NT5DC1: variants seen among roughly 807,000 people sequenced by gnomAD.
NT5DC1 encodes 5'-nucleotidase domain-containing protein 1.
A neutral mutation model predicts 59.4 loss-of-function variants in NT5DC1; 42 were observed. The ratio of observed to expected loss-of-function variants is 0.71; its 90% CI spans 0.55 to 0.92. The LOEUF (loss-of-function observed/expected upper bound fraction) is 0.92, where lower values mean the gene tolerates loss of function less well. Ranked by LOEUF, NT5DC1 falls within the 40% of genes least tolerant of loss-of-function variation. The pLI is 0.00. For synonymous variants in NT5DC1, 172 were observed against 188.1 expected, an observed-to-expected ratio of 0.91 and a Z score of 0.70; for missense variants, 501 against 537.1, an observed-to-expected ratio of 0.93 and a Z score of 0.66.
chr6:116,147,068 TA>T (rs1036190924), intron 6 of NT5DC1, among the ~76,000 whole-genome samples: 4 of 150,818 alleles, frequency 2.7e-5, no homozygotes, highest in Admixed American at 6.6e-5. Context: ...CCCAGAACTA[TA>T]AAAGAAAAGA....
At position 116,249,343 on chromosome 6, in the gene NT5DC1, A is replaced by T. The variant is rs1771906294; in HGVS notation, c.*5319A>T. ...TTGTCAAATTTTTGCTTAGATGGCT[A>T]CAAATACTTAGCAATTCATTTTCAT... On this transcript the variant is annotated 3_prime_UTR_variant, in exon 12 of 12. Transcript: ENST00000319550. 6.6e-6 allele frequency: 1 copy of T among 152,254 alleles called. No homozygotes were observed. Among genetic ancestry groups the T allele is most frequent in the Non-Finnish European group, 1.5e-5 (1 of 68,046 alleles). The allele number at this position is 152,254 out of a possible 1,614,324, so 9.4% of individuals were successfully genotyped here.
Position 116,236,957 on chromosome 6 carries a change from T to A in NT5DC1, c.803-9T>A. On this transcript the variant is annotated splice_polypyrimidine_tract_variant and intron_variant, in intron 8 of 11. Transcript: ENST00000319550. The stretch of plus-strand genomic sequence containing the variant: ...TAAAAAGTATATGATTGTCAAACTG[T>A]ATTTTCAGAGAATGATGAGGAGCAG... 2 of 1,544,390 alleles carry A rather than the reference T, an allele frequency of 1.3e-6. No individual in the cohort carries two copies. The highest frequency in any genetic ancestry group is 1.8e-6 in the Non-Finnish European group (2 of 1,117,022).
At chr6:116,180,324 C>T (rs936034698) in intron 6 of NT5DC1, among the ~76,000 whole-genome samples, 4 of 151,860 alleles carry the variant, frequency 2.6e-5, no homozygotes, top group East Asian at 1.9e-4. Context: ...CAAATTCTAA[C>T]GCAAGGTAAC....
intron 2 of NT5DC1, among the ~76,000 whole-genome samples, chr6:116,107,052 G>A (rs1344754721): frequency 1.3e-5 from 2 of 151,562 alleles, no homozygotes. Context: ...AATTAGCCAG[G>A]TGAGGTGGCA....
At chr6:116,162,965 A>AATAT (rs1224984541) in intron 6 of NT5DC1, among the ~76,000 whole-genome samples, 2 of 151,634 alleles carry the variant, frequency 1.3e-5, no homozygotes, top group East Asian at 1.9e-4. Flanking sequence ...GTCTCTACTA[A>AATAT]ATATACAAAA....
At chr6:116,160,874 A>G (rs1396145567) in intron 6 of NT5DC1, among the ~76,000 whole-genome samples, 2 of 152,290 alleles carry the variant, frequency 1.3e-5, no homozygotes, top group South Asian at 2.1e-4. Context: ...TCATGCTGCT[A>G]TAAAGACACA....
rs148509481 is a variant in NT5DC1, at chr6:116,182,222, A to AGAGAGAGAGTGTGTGTGTGTGT, written c.530-38831_530-38830insAGAGAGAGTGTGTGTGTGTGTG. On this transcript the variant is annotated intron_variant, in intron 6 of 11. Coordinates refer to ENST00000319550, the MANE Select transcript of NT5DC1 (RefSeq NM_152729.3). ...TATGGCTGAGTAGTATTCCATGGAG[A>AGAGAGAGAGTGTGTGTGTGTGT]GTGTGTGTGTGTGTGTGTGTGTGTG... Among the ~76,000 whole-genome samples, 84 of 124,682 alleles carry AGAGAGAGAGTGTGTGTGTGTGT rather than the reference A, an allele frequency of 6.7e-4. 1 individual carries two copies. The South Asian group carries it at 8.0e-3, about 12-fold the overall frequency. The allele number at this position is 124,682 out of a possible 152,430, so 81.8% of individuals were successfully genotyped here. A position where few individuals can be genotyped will look rare whatever the true frequency, so the allele number is the denominator to read the frequency against.
intron 6 of NT5DC1, among the ~76,000 whole-genome samples, chr6:116,160,127 A>G (rs899148878): frequency 2.0e-5 from 3 of 152,200 alleles, no homozygotes; most frequent in Non-Finnish European, 2.9e-5. Flanking sequence ...TTATGTATAT[A>G]CATAGTGGTG....
chr6:116,116,397 A>C (rs565678528), intron 5 of NT5DC1, among the ~76,000 whole-genome samples: 1 of 152,202 alleles, frequency 6.6e-6, no homozygotes, highest in East Asian at 1.9e-4. Context: ...TAATCCCAGC[A>C]CCTTAGGAGG....
intron 6 of NT5DC1, among the ~76,000 whole-genome samples, chr6:116,156,763 A>G (rs1780205004): frequency 1.3e-5 from 2 of 152,216 alleles, no homozygotes; most frequent in African/African-American, 4.8e-5. Context: ...CTTAAGAGTA[A>G]TATCCAAGAT....
chr6:116,168,954 G>A lies in NT5DC1; in HGVS notation c.529+51009G>A, dbSNP rs118167210. Among the ~76,000 whole-genome samples, 1,377 of 152,270 alleles carry A rather than the reference G, an allele frequency of 9.0e-3. 15 individuals are homozygous for A. Among genetic ancestry groups the A allele is most frequent in the Non-Finnish European group, 0.015 (1,041 of 68,012 alleles). On this transcript the variant is annotated intron_variant, in intron 6 of 11. Coordinates refer to ENST00000319550, the MANE Select transcript of NT5DC1 (RefSeq NM_152729.3). The stretch of plus-strand genomic sequence containing the variant: ...GGTTCGTACTTCTTTCTGTAGTATA[G>A]CCTTTTGGGTCAACCTGGAGAGCTC...
intron 8 of NT5DC1, among the ~76,000 whole-genome samples, chr6:116,235,106 A>AT (rs1490597934): frequency 1.4e-5 from 2 of 143,664 alleles, no homozygotes; most frequent in African/African-American, 5.2e-5. Flanking sequence ...AATACTATGG[A>AT]TTTTTTTAAA....
intron 6 of NT5DC1, among the ~76,000 whole-genome samples, chr6:116,174,865 A>G (rs1780698078): frequency 6.6e-6 from 1 of 152,188 alleles, no homozygotes; most frequent in African/African-American, 2.4e-5. Flanking sequence ...TACAAACACT[A>G]CATAAGCCAT....
intron 6 of NT5DC1, among the ~76,000 whole-genome samples, chr6:116,168,623 T>A (rs1050357542): frequency 3.3e-5 from 5 of 152,280 alleles, no homozygotes; most frequent in African/African-American, 1.2e-4. Flanking sequence ...TTCCCCCTTT[T>A]TTTGATTGTT....
intron 6 of NT5DC1, chr6:116,120,353 A>G (rs748900396): frequency 5.0e-6 from 8 of 1,614,268 alleles, no homozygotes; most frequent in Non-Finnish European, 6.8e-6. Context: ...ACAAGTAAAG[A>G]TTCCAGTCCT....
At chr6:116,200,002 G>GC (rs773820394) in intron 6 of NT5DC1, among the ~76,000 whole-genome samples, 1 of 101,204 alleles carries the variant, frequency 9.9e-6, no homozygotes, top group African/African-American at 3.3e-5. Context: ...TGGAAAGTGG[G>GC]GGGGGAAGAG....
chr6:116,233,539 C>T (rs142704816), intron 8 of NT5DC1, among the ~76,000 whole-genome samples: 1 of 152,142 alleles, frequency 6.6e-6, no homozygotes, highest in Non-Finnish European at 1.5e-5. Context: ...CTGTTTGTGG[C>T]AATACCATGG....
intron 7 of NT5DC1, among the ~76,000 whole-genome samples, chr6:116,222,568 T>G (rs1357087316): frequency 6.6e-6 from 1 of 152,218 alleles, no homozygotes; most frequent in Non-Finnish European, 1.5e-5. Flanking sequence ...ATAAAGTGTC[T>G]TCTTCACATT....
At chr6:116,163,502 GT>G (rs1780392926) in intron 6 of NT5DC1, among the ~76,000 whole-genome samples, 1 of 151,586 alleles carries the variant, frequency 6.6e-6, no homozygotes, top group Non-Finnish European at 1.5e-5. Flanking sequence ...GCTTATTTGA[GT>G]CCTCTTTTTT....
Sources: gnomAD v4.1 joint callset for allele counts (sites outside exome capture counted in the v4.1 genomes callset) on GRCh38, gnomAD v4.1.1 for gene constraint, MANE v1.5 for transcripts, NCBI Gene and HGNC (gene_info 2026-07-23, HGNC 2026-07-21) for gene names.